Variants in RASA3 observed in about 807,000 individuals in gnomAD.
The protein encoded by RASA3 is RAS p21 protein activator 3.
Under a neutral mutation model 110.0 loss-of-function variants are expected in RASA3, and 73 were observed. The ratio of observed to expected loss-of-function variants is 0.66; its 90% CI spans 0.55 to 0.81. The LOEUF is 0.81. Ranked by LOEUF, RASA3 falls within the 30% of genes least tolerant of loss-of-function variation. The pLI is 0.00. For synonymous variants in RASA3, 500 were observed against 451.4 expected, an observed-to-expected ratio of 1.11 and a Z score of -1.37; for missense variants, 976 against 1,113.2, an observed-to-expected ratio of 0.88 and a Z score of 1.75.
At chr13:114,107,218 G>C (rs2080146173) in intron 1 of RASA3, among the ~76,000 whole-genome samples, 1 of 152,168 alleles carries the variant, frequency 6.6e-6, no homozygotes, top group South Asian at 2.1e-4. Context: ...GGTCCTCGCA[G>C]GGGACAGGCC....
At chr13:114,008,598 C>T (rs1178378953) in intron 17 of RASA3, among the ~76,000 whole-genome samples, 1 of 29,520 alleles carries the variant, frequency 3.4e-5, no homozygotes. Context: ...CAGAGCCCTG[C>T]GGTCTGGACG....
rs369902426 is a variant in RASA3, at chr13:114,042,565, G to A, written c.278-1471C>T. Among the ~76,000 whole-genome samples the A allele has an allele frequency of 1.1e-4, 17 of 152,366 alleles. No individual in the cohort carries two copies. In the East Asian group the frequency reaches 1.7e-3, roughly 16 times the overall value. Reference sequence around the variant, plus strand: ...GCAGACCCGGTTCACCGCAGCGTCCGCAGCCACAGGGTCTGAGCACATTGT... The same window carrying A: ...GCAGACCCGGTTCACCGCAGCGTCCACAGCCACAGGGTCTGAGCACATTGT... On this transcript the variant is annotated intron_variant, in intron 3 of 23. Transcript: ENST00000334062.
chr13:113,982,488 C>T (rs1304322336), intron 22 of RASA3, among the ~76,000 whole-genome samples: 1 of 152,254 alleles, frequency 6.6e-6, no homozygotes, highest in African/African-American at 2.4e-5. Context: ...TGCTGAAGGC[C>T]ATTCTGGTGC....
rs2053924099 is a variant in RASA3, at chr13:114,021,387, G to A, written c.785+17C>T. On this transcript the variant is annotated intron_variant, in intron 9 of 23. Transcript: ENST00000334062. ...CTCTCAGAGATGCGGAAGTCTGCAG[G>A]TGCAACATCATCTTACCACGCCTCG... 3 of 1,608,996 alleles carry A rather than the reference G, an allele frequency of 1.9e-6. No individual in the cohort carries two copies. The highest frequency in any genetic ancestry group is 1.3e-5 in the African/African-American group (1 of 74,816).
chr13:114,069,473 C>CG (rs2079519133), intron 2 of RASA3, among the ~76,000 whole-genome samples: 1 of 51,784 alleles, frequency 1.9e-5, no homozygotes. Context: ...CTGGGAGACT[C>CG]GGGGGCCGGG....
At chr13:114,078,795 C>G (rs545049739) in intron 1 of RASA3, among the ~76,000 whole-genome samples, 112 of 152,342 alleles carry the variant, frequency 7.4e-4, no homozygotes, top group African/African-American at 2.6e-3. Context: ...ACAGGCCCAG[C>G]CCTGACCGAG....
Position 114,057,365 on chromosome 13 carries a change from A to G in RASA3, c.174-5210T>C, listed in dbSNP as rs1402269877. The G allele has an allele frequency of 3.0e-6, 3 of 985,290 alleles. No individual in the cohort carries two copies. Among genetic ancestry groups the G allele is most frequent in the Non-Finnish European group, 3.6e-6 (3 of 829,934 alleles). 61.0% of individuals were successfully genotyped at this position (985,290 alleles called of 1,614,324 possible). The stretch of plus-strand genomic sequence containing the variant: ...AAGCTTCATTCCCACGAGCTGGACG[A>G]GCAGAAGGCATTGCAGGGCAGTGGG... On this transcript the variant is annotated intron_variant, in intron 2 of 23. Transcript: ENST00000334062. The surrounding 1 kb of genome is among the most constrained non-coding windows in gnomAD (Gnocchi z 5.0).
At chr13:114,039,616 G>C (rs1594369323) in intron 4 of RASA3, among the ~76,000 whole-genome samples, 1 of 152,258 alleles carries the variant, frequency 6.6e-6, no homozygotes. Context: ...GCTGCTCTGT[G>C]TCACAGACCA....
chr13:114,075,564 CCGCGCCGCGTATCTCTGCGTGTGGA>C (rs1344876777), intron 1 of RASA3, among the ~76,000 whole-genome samples: 73 of 67,432 alleles, frequency 1.1e-3, no homozygotes, highest in African/African-American at 3.2e-3. Flanking sequence ...CCTCCCGTGT[CCGCGCCGCGTATCTCTGCGTGTGGA>C]GGCGCCGGCA....
At chr13:114,050,313 G>A (rs1027790694) in intron 3 of RASA3, among the ~76,000 whole-genome samples, 9 of 152,222 alleles carry the variant, frequency 5.9e-5, no homozygotes, top group African/African-American at 2.2e-4. Context: ...GACACCTTCT[G>A]CAGCCGCATT....
At chr13:114,031,752 C>A (rs924027070) in intron 4 of RASA3, among the ~76,000 whole-genome samples, 3 of 152,226 alleles carry the variant, frequency 2.0e-5, no homozygotes, top group Non-Finnish European at 2.9e-5. Context: ...TTCAGGGGCT[C>A]TGCCTGGCCC....
intron 1 of RASA3, among the ~76,000 whole-genome samples, chr13:114,099,413 G>A (rs1303906715): frequency 1.3e-5 from 2 of 151,896 alleles, no homozygotes; most frequent in Non-Finnish European, 2.9e-5. Context: ...TGCTGGGTCG[G>A]GGAGGGAGGG....
At position 114,017,165 on chromosome 13, in the gene RASA3, G is replaced by A. The variant is rs1221566473; in HGVS notation, c.1206+72C>T. On this transcript the variant is annotated intron_variant, in intron 12 of 23. Coordinates refer to ENST00000334062, the MANE Select transcript of RASA3 (RefSeq NM_007368.4). ...CAGCTCGTGGTCTGGCTGGATCCCA[G>A]TGCAGTGCCCTCTGTTGGGGGAAAT... is the stretch of plus-strand genomic sequence containing the variant. 6.5e-6 allele frequency: 9 copies of A among 1,379,678 alleles called. No homozygotes were observed. The East Asian group carries it at 9.2e-5, about 14-fold the overall frequency. The allele number at this position is 1,379,678 out of a possible 1,614,324, so 85.5% of individuals were successfully genotyped here.
Position 114,114,040 on chromosome 13 carries a change from C to T in RASA3, c.55+18395G>A, listed in dbSNP as rs1269621252. Reference sequence around the variant, plus strand: ...TCCACCCACCATGGCGAGTGATGTCCGTATAGCTCACACCGCATCCATCAA... The same window carrying T: ...TCCACCCACCATGGCGAGTGATGTCTGTATAGCTCACACCGCATCCATCAA... On this transcript the variant is annotated intron_variant, in intron 1 of 23. Transcript: ENST00000334062. The surrounding 1 kb of genome is among the most constrained non-coding windows in gnomAD (Gnocchi z 4.8). Among the ~76,000 whole-genome samples, 3 of 151,744 alleles carry T rather than the reference C, an allele frequency of 2.0e-5. No individual in the cohort carries two copies. The highest frequency in any genetic ancestry group is 1.9e-4 in the East Asian group (1 of 5,172).
chr13:113,990,124 C>T (rs1001883511), intron 22 of RASA3, among the ~76,000 whole-genome samples: 2 of 152,180 alleles, frequency 1.3e-5, no homozygotes, highest in African/African-American at 4.8e-5. Context: ...CTTCCTTCCT[C>T]TTTGCCCTCC....
In RASA3 at chr13:114,130,568, C is replaced by T. The variant is rs547755717; in HGVS notation, c.55+1867G>A. On this transcript the variant is annotated intron_variant, in intron 1 of 23. Transcript: ENST00000334062. Reference sequence around the variant, plus strand: ...CCTGTCGGAAGTGGGGCCGAGTGCCCGCAGGCCGGTGAAGCTGCCTTCTGG... The same window carrying T: ...CCTGTCGGAAGTGGGGCCGAGTGCCTGCAGGCCGGTGAAGCTGCCTTCTGG... Among the ~76,000 whole-genome samples, 11 of 152,066 alleles carry T rather than the reference C, an allele frequency of 7.2e-5. No individual in the cohort carries two copies. The East Asian group carries it at 1.8e-3, about 24-fold the overall frequency.
In RASA3 at chr13:113,988,765, C is replaced by A. The variant is rs2053028206; in HGVS notation, c.2245+3720G>T. On this transcript the variant is annotated intron_variant, in intron 22 of 23. Coordinates refer to ENST00000334062, the MANE Select transcript of RASA3 (RefSeq NM_007368.4). ...TCCACCCATCACTCACCCTTTGGTC[C>A]ATGAACCTAACACTCACCCATCTGC... 2.4e-5 allele frequency among the ~76,000 whole-genome samples: 3 copies of A among 123,954 alleles called. No homozygotes were observed. In the South Asian group the frequency reaches 9.6e-4, roughly 40 times the overall value. 81.3% of individuals were successfully genotyped at this position (123,954 alleles called of 152,430 possible).
In RASA3 at chr13:114,040,218, C is replaced by G. The variant is rs72488207; in HGVS notation, c.372+782G>C. ...CCGAGCACAAGTGGGCGAACAGACA[C>G]AATGCAAAATCCATGACAGAGCCTG... On this transcript the variant is annotated intron_variant, in intron 4 of 23. Transcript: ENST00000334062. Among the ~76,000 whole-genome samples, 69 of 152,278 alleles carry G rather than the reference C, an allele frequency of 4.5e-4. 1 individual carries two copies. The East Asian group carries it at 0.013, about 28-fold the overall frequency.
At chr13:114,080,800 T>C (rs1365854042) in intron 1 of RASA3, among the ~76,000 whole-genome samples, 1 of 145,976 alleles carries the variant, frequency 6.9e-6, no homozygotes, top group Non-Finnish European at 1.5e-5. Flanking sequence ...TGTCTTCTGT[T>C]CAGTGTCCTG....
Sources: gnomAD v4.1 joint callset for allele counts (sites outside exome capture counted in the v4.1 genomes callset) on GRCh38, gnomAD v4.1.1 for gene constraint, Gnocchi (gnomAD v3.1) non-coding constraint, MANE v1.5 for transcripts, NCBI Gene and HGNC (gene_info 2026-07-23, HGNC 2026-07-21) for gene names.